The following AKAP9 variants were observed in gnomAD, a reference collection of about 807,000 sequenced individuals.
AKAP9 encodes the protein A-kinase anchor protein 9.
Under a neutral mutation model 488.5 loss-of-function variants are expected in AKAP9, and 311 were observed. That is an observed-to-expected ratio of 0.64 (90% CI 0.58 to 0.70). AKAP9 has a LOEUF of 0.70. AKAP9 is among the 30% of genes least tolerant of loss of function. AKAP9 has a pLI of 0.00. For synonymous variants in AKAP9, 1,462 were observed against 1,483.5 expected (o/e 0.99, Z 0.33); for missense variants, 4,215 against 4,374.5 (o/e 0.96, Z 1.03).
At chr7:91,961,498 C>T (rs1478982953) in intron 1 of AKAP9, among the ~76,000 whole-genome samples, 2 of 151,840 alleles carry the variant, frequency 1.3e-5, no homozygotes, top group African/African-American at 4.8e-5. Flanking sequence ...ATATTTTATA[C>T]AGCATTTTGA....
At chr7:92,084,560 G>T in intron 33 of AKAP9, 80 bp from the exon 34 acceptor site, 1 of 1,062,182 alleles carries the variant, frequency 9.4e-7, no homozygotes, top group Non-Finnish European at 1.4e-6. Flanking sequence ...ATTACAGCAC[G>T]GGAAACCAGC....
chr7:92,068,287 A>G (rs1463682556), intron 26 of AKAP9, among the ~76,000 whole-genome samples: 1 of 148,750 alleles, frequency 6.7e-6, no homozygotes, highest in Non-Finnish European at 1.5e-5. Flanking sequence ...AATGGCATGA[A>G]TTCAGGAGGC....
At chr7:92,038,827 A>G (rs1352317389) in intron 17 of AKAP9, 55 bp downstream of exon 17, 2 of 1,258,776 alleles carry the variant, frequency 1.6e-6, no homozygotes, top group Middle Eastern at 2.0e-4. Flanking sequence ...GAATTCTTTC[A>G]CTTTAAAAAT....
At chr7:92,042,857 T>A (rs1806347129) in intron 20 of AKAP9, 86 bp downstream of exon 20, 1 of 881,714 alleles carries the variant, frequency 1.1e-6, no homozygotes, top group Non-Finnish European at 1.9e-6. Context: ...TTTTATCTTG[T>A]ACATTGATAC....
chr7:91,999,213 G>GT (rs775740770), intron 7 of AKAP9, among the ~76,000 whole-genome samples: 9 of 152,076 alleles, frequency 5.9e-5, no homozygotes, highest in Non-Finnish European at 8.8e-5. Context: ...ATTTTTCAAA[G>GT]TTAACGAGGC....
Position 92,022,999 on chromosome 7 carries a change from G to T in AKAP9, c.4138G>T (p.Val1380Phe), listed in dbSNP as rs1263023488. The T allele has an allele frequency of 6.2e-7, 1 of 1,613,618 alleles. No individual in the cohort carries two copies. The highest frequency in any genetic ancestry group is 8.5e-7 in the Non-Finnish European group (1 of 1,179,664). The change falls in exon 14 of 50, where the codon GTT becomes TTT. Residue 1380 changes from valine (V) to phenylalanine (F), a missense_variant. Val to Phe is a conservative substitution (Grantham distance 50). This residue lies in a region of AKAP9 where 2,361 missense variants were observed against 2,430.0 expected (regional missense o/e 0.97). Transcript: ENST00000356239. ...GCTTCAAGCTGTTAGTGAGTCCACG[G>T]TTCCGCCAAGGTATTCATCTGCTTA... ...KRLQAVSEST[V>F]PPSLPVDSVV...
intron 14 of AKAP9, among the ~76,000 whole-genome samples, chr7:92,025,108 G>A (rs563843346): frequency 3.3e-5 from 5 of 152,188 alleles, no homozygotes; most frequent in Non-Finnish European, 5.9e-5. Flanking sequence ...TCAGAGGCAC[G>A]GAACCCATAG....
intron 11 of AKAP9, 80 bp downstream of exon 11, chr7:92,016,347 G>A: frequency 9.6e-7 from 1 of 1,045,860 alleles, no homozygotes; most frequent in Non-Finnish European, 1.4e-6. Context: ...TTTTGATTAT[G>A]ATTTAATCAC....
At chr7:91,985,481 A>C (rs1796953452) in intron 3 of AKAP9, among the ~76,000 whole-genome samples, 1 of 152,108 alleles carries the variant, frequency 6.6e-6, no homozygotes, top group Non-Finnish European at 1.5e-5. Context: ...ATCACGGTGG[A>C]TAAGCTTTTT....
At position 92,001,755 on chromosome 7, in the gene AKAP9, G is replaced by C. The variant is rs1799212375; in HGVS notation, c.1838G>C (p.Arg613Thr). ...LEKEKNAVLD[R>T]MAESQEAELE... ...AAAGAAAAGAATGCTGTGTTAGACA[G>C]AATGGCTGAATCACAAGAAGCTGAA... The change falls in exon 8 of 50, where the codon AGA becomes ACA. Residue 613 changes from arginine to threonine, a missense_variant. By Grantham distance (71) the Arg-to-Thr change is moderately conservative (BLOSUM62 -1). Coordinates refer to ENST00000356239, the MANE Select transcript of AKAP9 (RefSeq NM_005751.5). The C allele has an allele frequency of 1.9e-6, 3 of 1,613,200 alleles. No individual in the cohort carries two copies. In the African/African-American group the frequency reaches 4.0e-5, roughly 22 times the overall value.
At chr7:92,044,839 T>C (rs1163030734) in intron 20 of AKAP9, among the ~76,000 whole-genome samples, 169 bp from the exon 21 acceptor site, 1 of 151,044 alleles carries the variant, frequency 6.6e-6, no homozygotes, top group Non-Finnish European at 1.5e-5. Flanking sequence ...TAGTTACAAA[T>C]AAAAAACAAG....
At chr7:91,975,929 T>G (rs6972696) in intron 2 of AKAP9, among the ~76,000 whole-genome samples, 18,228 of 147,356 alleles carry the variant, frequency 0.12, 1,327 homozygotes, top group East Asian at 0.38. Flanking sequence ...TTGTTTGTTT[T>G]TTTTTTTTTT....
At chr7:92,015,887 A>G (rs1801443710) in intron 10 of AKAP9, among the ~76,000 whole-genome samples, 1 of 152,320 alleles carries the variant, frequency 6.6e-6, no homozygotes, top group African/African-American at 2.4e-5. Context: ...ATAAGGAAGC[A>G]GAAAAAATTA....
intron 29 of AKAP9, 126 bp from the exon 30 acceptor site, chr7:92,077,570 C>T: frequency 3.7e-6 from 3 of 817,912 alleles, no homozygotes; most frequent in Non-Finnish European, 6.0e-6. Context: ...TATTGATTTA[C>T]AGTAACCATA....
At chr7:92,037,176 T>C (rs1759504262) in intron 16 of AKAP9, among the ~76,000 whole-genome samples, 1 of 152,240 alleles carries the variant, frequency 6.6e-6, no homozygotes, top group African/African-American at 2.4e-5. Context: ...ATTATACTTC[T>C]AGACAGATTC....
chr7:91,974,941 C>A (rs1795475924), intron 2 of AKAP9, among the ~76,000 whole-genome samples: 1 of 151,522 alleles, frequency 6.6e-6, no homozygotes, highest in Admixed American at 6.6e-5. Context: ...ACCTCTGTCA[C>A]CCAGGCCCAA....
At chr7:92,006,690 C>G (rs1799916971) in intron 8 of AKAP9, among the ~76,000 whole-genome samples, 1 of 152,108 alleles carries the variant, frequency 6.6e-6, no homozygotes, top group Non-Finnish European at 1.5e-5. Flanking sequence ...GGATGCCACA[C>G]AGATATCTCT....
chr7:92,097,990 C>T, intron 42 of AKAP9, 119 bp from the exon 43 acceptor site: 1 of 871,996 alleles, frequency 1.1e-6, no homozygotes, highest in South Asian at 1.5e-5. Flanking sequence ...GGGAAGAAAG[C>T]ATGGGATATA....
Position 91,994,620 on chromosome 7 carries a change from G to C in AKAP9, c.577-1G>C, listed in dbSNP as rs1326603226. 6.2e-7 allele frequency: 1 copy of C among 1,610,886 alleles called. No individual in the cohort carries two copies. The highest frequency in any genetic ancestry group is 1.7e-5 in the Admixed American group (1 of 59,740). ...ATCTAGCACTTACTATTTTCTTTCA[G>C]TTACAAGAATTTGAAGCTGCCATTA... On this transcript the variant is annotated splice_acceptor_variant, in intron 5 of 49. Coordinates refer to ENST00000356239, the MANE Select transcript of AKAP9 (RefSeq NM_005751.5). LOFTEE classifies it high-confidence loss of function.
Sources: gnomAD v4.1 joint callset for allele counts (sites outside exome capture counted in the v4.1 genomes callset) on GRCh38, gnomAD v4.1.1 for gene constraint, gnomAD v4.1.1 regional missense constraint, MANE v1.5 for transcripts, NCBI Gene and HGNC (gene_info 2026-07-23, HGNC 2026-07-21) for gene names.